The following HRH2 variants were observed in gnomAD, a reference collection of about 807,000 sequenced individuals.
HRH2 encodes the protein histamine receptor H2.
Under a neutral mutation model 20.1 loss-of-function variants are expected in HRH2, and 4 were observed. The observed-to-expected ratio is 0.20, with a 90% confidence interval of 0.10 to 0.45. HRH2 has a LOEUF of 0.45. Ranked by LOEUF, HRH2 falls within the 20% of genes least tolerant of loss-of-function variation. The pLI, the probability that HRH2 is intolerant of heterozygous loss-of-function variation, is 0.99. For missense variants in HRH2, 250 were observed against 461.6 expected (o/e 0.54, Z 4.20); for synonymous variants, 197 against 200.7 (o/e 0.98, Z 0.16).
chr5:175,709,488 C>T lies in HRH2; in HGVS notation c.*1517C>T, dbSNP rs76073360. ...TCCACCTGGGAGTTTCAGAGGCGCT[C>T]TCCCTCAGCGTGTCTGCAGCTGCGT... On this transcript the variant is annotated 3_prime_UTR_variant, in exon 3 of 3. Transcript: ENST00000636584. The T allele has an allele frequency of 6.6e-6, 1 of 152,392 alleles. No individual in the cohort carries two copies. The highest frequency in any genetic ancestry group is 6.5e-5 in the Admixed American group (1 of 15,308). 9.4% of individuals were successfully genotyped at this position (152,392 alleles called of 1,614,324 possible).
At chr5:175,701,055 A>G (rs548588650) in intron 2 of HRH2, among the ~76,000 whole-genome samples, 28 of 152,208 alleles carry the variant, frequency 1.8e-4, no homozygotes, top group Non-Finnish European at 3.7e-4. Flanking sequence ...TAGGATAAGC[A>G]GTGGAGGGAA....
At chr5:175,695,353 A>G (rs1756537718) in intron 2 of HRH2, among the ~76,000 whole-genome samples, 1 of 152,104 alleles carries the variant, frequency 6.6e-6, no homozygotes, top group Non-Finnish European at 1.5e-5. Context: ...AAGTTGTTAC[A>G]AGGATTAAAG....
At chr5:175,666,940 G>T (rs1231145971) in intron 1 of HRH2, among the ~76,000 whole-genome samples, 2 of 151,960 alleles carry the variant, frequency 1.3e-5, no homozygotes, top group Admixed American at 1.3e-4. Flanking sequence ...TCCAATCCCT[G>T]CTCAAAAAAT....
At chr5:175,668,382 AC>A (rs1429997228) in intron 1 of HRH2, among the ~76,000 whole-genome samples, 7 of 151,498 alleles carry the variant, frequency 4.6e-5, no homozygotes, top group Non-Finnish European at 7.4e-5. Context: ...TGAGGCAGAG[AC>A]CCCCCCAGCT....
intron 2 of HRH2, among the ~76,000 whole-genome samples, chr5:175,690,583 A>G (rs888974995): frequency 3.3e-5 from 5 of 151,862 alleles, no homozygotes; most frequent in East Asian, 1.9e-4. Context: ...CCATTTTATT[A>G]TAACAGTTTT....
At chr5:175,691,764 T>A (rs1238172420) in intron 2 of HRH2, among the ~76,000 whole-genome samples, 1 of 151,924 alleles carries the variant, frequency 6.6e-6, no homozygotes, top group Non-Finnish European at 1.5e-5. Flanking sequence ...GTGCCTGTAA[T>A]TCCAGCTGCT....
At chr5:175,672,014 G>A (rs894308994) in intron 1 of HRH2, among the ~76,000 whole-genome samples, 6 of 152,100 alleles carry the variant, frequency 3.9e-5, no homozygotes, top group Non-Finnish European at 5.9e-5. Flanking sequence ...TTTCCACCCA[G>A]AGCTCTCCTA....
chr5:175,705,666 CTT>C (rs771508609), intron 2 of HRH2, among the ~76,000 whole-genome samples: 17 of 142,190 alleles, frequency 1.2e-4, no homozygotes, highest in Admixed American at 2.1e-4. Context: ...CCAGAGTAGA[CTT>C]TTTTTTTTTT....
intron 1 of HRH2, among the ~76,000 whole-genome samples, chr5:175,673,255 G>A (rs1270260712): frequency 6.6e-6 from 1 of 152,150 alleles, no homozygotes; most frequent in East Asian, 1.9e-4. Context: ...GTGTGTGTAT[G>A]CATGTGCGCG....
chr5:175,695,479 T>C (rs1756543823), intron 2 of HRH2, among the ~76,000 whole-genome samples: 1 of 152,206 alleles, frequency 6.6e-6, no homozygotes, highest in Non-Finnish European at 1.5e-5. Flanking sequence ...CATCTGGCTG[T>C]TGTCTCCTCT....
chr5:175,698,928 T>C (rs1349725038), intron 2 of HRH2, among the ~76,000 whole-genome samples: 1 of 152,222 alleles, frequency 6.6e-6, no homozygotes, highest in African/African-American at 2.4e-5. Context: ...TCACGCTGCC[T>C]GTTAGCGCAG....
intron 1 of HRH2, among the ~76,000 whole-genome samples, chr5:175,673,279 C>G (rs1442552504): frequency 6.6e-6 from 1 of 151,918 alleles, no homozygotes; most frequent in Non-Finnish European, 1.5e-5. Context: ...CACAGGCAGA[C>G]AGGGTTTGCT....
At chr5:175,666,274 A>C (rs1762889786) in intron 1 of HRH2, among the ~76,000 whole-genome samples, 1 of 152,186 alleles carries the variant, frequency 6.6e-6, no homozygotes, top group Non-Finnish European at 1.5e-5. Flanking sequence ...GTCTCAGAGA[A>C]GGCTCTGTGG....
Position 175,687,466 on chromosome 5 carries a change from C to A in HRH2, c.1076+3157C>A, listed in dbSNP as rs565447692. On this transcript the variant is annotated intron_variant, in intron 2 of 2. Coordinates refer to ENST00000636584, the MANE Select transcript of HRH2 (RefSeq NM_001367711.1). The surrounding 1 kb of genome is among the most constrained non-coding windows in gnomAD (Gnocchi z 5.2). ...GGGCACCGTCGGCCAAGGGGTGACT[C>A]CAGAAGATAGAGTGGCCAAGCTGGC... Among the ~76,000 whole-genome samples the A allele has an allele frequency of 6.6e-6, 1 of 152,130 alleles. No homozygotes were observed.
chr5:175,688,721 T>A (rs1756262205), intron 2 of HRH2, among the ~76,000 whole-genome samples: 2 of 152,144 alleles, frequency 1.3e-5, no homozygotes, highest in Admixed American at 1.3e-4. Context: ...TTTTTGACTA[T>A]CACCCCAGTG....
intron 1 of HRH2, among the ~76,000 whole-genome samples, chr5:175,669,231 C>A (rs189323407): frequency 1.3e-5 from 2 of 152,274 alleles, no homozygotes; most frequent in African/African-American, 4.8e-5. Context: ...CTTTTCCCAG[C>A]CTCACTATTT....
intron 2 of HRH2, chr5:175,685,726 G>A: frequency 1.7e-6 from 1 of 577,316 alleles, no homozygotes; most frequent in Non-Finnish European, 3.1e-6. Context: ...GCCCTCCAGA[G>A]TTGCCTGAAG....
intron 2 of HRH2, chr5:175,685,621 A>G: frequency 1.4e-6 from 1 of 708,154 alleles, no homozygotes; most frequent in South Asian, 1.7e-5. Flanking sequence ...CTCTGCCGTC[A>G]CTCAACTTGT....
At chr5:175,671,448 GAC>G (rs1336157780) in intron 1 of HRH2, among the ~76,000 whole-genome samples, 1 of 152,192 alleles carries the variant, frequency 6.6e-6, no homozygotes, top group African/African-American at 2.4e-5. Flanking sequence ...GGGAGGAAGA[GAC>G]AGTGTTGTCA....
Sources: gnomAD v4.1 joint callset for allele counts (sites outside exome capture counted in the v4.1 genomes callset) on GRCh38, gnomAD v4.1.1 for gene constraint, Gnocchi (gnomAD v3.1) non-coding constraint, MANE v1.5 for transcripts, NCBI Gene and HGNC (gene_info 2026-07-23, HGNC 2026-07-21) for gene names.